GLIS1: variants seen among roughly 807,000 people sequenced by gnomAD.
GLIS1 encodes GLIS family zinc finger 1.
In GLIS1, 24 loss-of-function variants were observed where a neutral mutation model predicts 63.8. The observed-to-expected ratio is 0.38, with a 90% CI of 0.27 to 0.53. The LOEUF (loss-of-function observed/expected upper bound fraction) is 0.53, where lower values mean the gene tolerates loss of function less well. GLIS1 is among the 20% of genes least tolerant of loss of function. The probability of loss-of-function intolerance (pLI) is 0.85; values close to 1 mark genes in which losing one functional copy is unlikely to be tolerated. For synonymous variants in GLIS1, 450 were observed against 482.5 expected (o/e 0.93, Z 0.88); for missense variants, 1,036 against 1,074.1 (o/e 0.96, Z 0.50).
Position 53,526,984 on chromosome 1 carries a change from G to A in GLIS1, c.1483-2097C>T, listed in dbSNP as rs1464244313. 6.6e-6 allele frequency among the ~76,000 whole-genome samples: 1 copy of A among 152,224 alleles called. No individual in the cohort carries two copies. The highest frequency in any genetic ancestry group is 1.5e-5 in the Non-Finnish European group (1 of 68,050). ...GGTGAGTCTGCCGTGCGGAGCCCCT[G>A]CCCGTCTGCACTTGGAGGCCAGCTC... On this transcript the variant is annotated intron_variant, in intron 5 of 10. Coordinates refer to ENST00000628545, the MANE Select transcript of GLIS1 (RefSeq NM_001367484.1). The surrounding 1 kb of genome is among the most constrained non-coding windows in gnomAD (Gnocchi z 4.4).
chr1:53,722,239 T>C (rs1418712407), intron 2 of GLIS1, among the ~76,000 whole-genome samples: 2 of 152,234 alleles, frequency 1.3e-5, no homozygotes, highest in East Asian at 3.8e-4. Context: ...GTTACTACCC[T>C]GTAGCCTAGT....
At position 53,560,188 on chromosome 1, in the gene GLIS1, G is replaced by A. The variant is rs868030891; in HGVS notation, c.1321-30236C>T. On this transcript the variant is annotated intron_variant, in intron 4 of 10. Coordinates refer to ENST00000628545, the MANE Select transcript of GLIS1 (RefSeq NM_001367484.1). The surrounding 1 kb of genome is among the most constrained non-coding windows in gnomAD (Gnocchi z 4.4). ...GAAGATACAGAAATGAATCCAATACGAAGCTGGAGTGGCCTGTAGAGCTCA... is the reference window on the plus strand; with the variant it reads ...GAAGATACAGAAATGAATCCAATACAAAGCTGGAGTGGCCTGTAGAGCTCA... Among the ~76,000 whole-genome samples the A allele has an allele frequency of 2.0e-5, 3 of 152,218 alleles. No homozygotes were observed. The highest frequency in any genetic ancestry group is 4.8e-5 in the African/African-American group (2 of 41,456).
chr1:53,733,898 T>C (rs1345506686), intron 2 of GLIS1: 1 of 984,916 alleles, frequency 1.0e-6, no homozygotes, highest in Non-Finnish European at 1.2e-6. Context: ...TAAAAGTCAC[T>C]CATACCTTTC....
intron 4 of GLIS1, among the ~76,000 whole-genome samples, chr1:53,537,831 A>G (rs1644597762): frequency 6.6e-6 from 1 of 152,238 alleles, no homozygotes; most frequent in African/African-American, 2.4e-5. Flanking sequence ...TTGCTTCTAA[A>G]TAAACACATT....
In GLIS1 at chr1:53,511,169, G is replaced by A. The variant is rs1035821975; in HGVS notation, c.1884-1142C>T. Among the ~76,000 whole-genome samples the A allele has an allele frequency of 2.0e-5, 3 of 152,270 alleles. No homozygotes were observed. The highest frequency in any genetic ancestry group is 4.4e-5 in the Non-Finnish European group (3 of 68,046). Reference sequence around the variant, plus strand: ...AAAGCATTTATGTACATGGCAGAAAGAGGGAGATAGTGAGAGCTCGGAGTC... The same window carrying A: ...AAAGCATTTATGTACATGGCAGAAAAAGGGAGATAGTGAGAGCTCGGAGTC... On this transcript the variant is annotated intron_variant, in intron 8 of 10. Transcript: ENST00000628545. The surrounding 1 kb of genome is among the most constrained non-coding windows in gnomAD (Gnocchi z 4.2).
chr1:53,535,683 C>A (rs1216473238), intron 4 of GLIS1, among the ~76,000 whole-genome samples: 1 of 152,066 alleles, frequency 6.6e-6, no homozygotes, highest in East Asian at 1.9e-4. Context: ...CCACCCACTG[C>A]CCTAATCCAC....
intron 4 of GLIS1, among the ~76,000 whole-genome samples, chr1:53,579,382 G>A (rs965974146): frequency 9.9e-5 from 15 of 152,260 alleles, no homozygotes; most frequent in Non-Finnish European, 4.4e-5. Context: ...ATGAGGCCTT[G>A]CCAGGTGAAT....
rs752683116 is a variant in GLIS1 at position 53,594,469 on chromosome 1, A to G, written c.959T>C (p.Leu320Pro). 44 of 1,612,858 alleles carry G rather than the reference A, an allele frequency of 2.7e-5. No individual in the cohort carries two copies. The South Asian group carries it at 3.6e-4, about 13-fold the overall frequency. ...QLEACRKASF[L>P]KQEPADEFSE... ...AAACTCATCCGCGGGTTCCTGCTTC[A>G]GGAAGCTCGCCTTCCGGCAGGCTTC... is the stretch of plus-strand genomic sequence containing the variant. The change falls in exon 4 of 11, where the codon CTG (leucine) becomes CCG (proline). Residue 320 changes from leucine (L) to proline (P), a missense_variant. Leu to Pro is a moderately conservative substitution (Grantham distance 98). Around this residue, in one of 3 missense-constraint regions of GLIS1, gnomAD observed 592 missense variants for 593.9 expected, o/e 1.00. Coordinates refer to ENST00000628545, the MANE Select transcript of GLIS1 (RefSeq NM_001367484.1).
rs922507142 is a variant in GLIS1 at position 53,661,898 on chromosome 1, C to T, written c.260-61620G>A. On this transcript the variant is annotated intron_variant, in intron 2 of 10. Transcript: ENST00000628545. ...ACTGCCAACAGGGAAGATAAACTTC[C>T]TGTCCTGAGGTCTCCGCTGGGCTGT... Among the ~76,000 whole-genome samples the T allele has an allele frequency of 3.9e-5, 6 of 152,196 alleles. No individual in the cohort carries two copies. The East Asian group carries it at 1.2e-3, about 29-fold the overall frequency.
intron 4 of GLIS1, among the ~76,000 whole-genome samples, chr1:53,575,844 G>A (rs572017436): frequency 7.2e-5 from 11 of 152,196 alleles, no homozygotes; most frequent in Admixed American, 6.5e-5. Flanking sequence ...GCCGCCCTGC[G>A]GGTCCCCTCT....
intron 4 of GLIS1, among the ~76,000 whole-genome samples, chr1:53,557,985 C>G (rs923290449): frequency 2.6e-5 from 4 of 152,162 alleles, no homozygotes; most frequent in Non-Finnish European, 5.9e-5. Flanking sequence ...TAGGGGAGCC[C>G]CAAATCAAAG....
chr1:53,659,726 G>A (rs1010347551), intron 2 of GLIS1, among the ~76,000 whole-genome samples: 8 of 152,154 alleles, frequency 5.3e-5, no homozygotes, highest in African/African-American at 1.4e-4. Flanking sequence ...CCCCACCAGC[G>A]GTGCCACCCT....
chr1:53,526,819 A>G lies in GLIS1; in HGVS notation c.1483-1932T>C, dbSNP rs1644474666. On this transcript the variant is annotated intron_variant, in intron 5 of 10. Transcript: ENST00000628545. This position sits in a 1 kb window ranked among gnomAD's most constrained non-coding sequence, Gnocchi z 4.4. Reference sequence around the variant, plus strand: ...TTTTTCCAGGGCCTGACATGTGTAGAACATTCCTCAGGCCCCATTCCCCGT... The same window carrying G: ...TTTTTCCAGGGCCTGACATGTGTAGGACATTCCTCAGGCCCCATTCCCCGT... Among the ~76,000 whole-genome samples, 1 of 152,112 alleles carries G rather than the reference A, an allele frequency of 6.6e-6. No homozygotes were observed. Among genetic ancestry groups the G allele is most frequent in the Admixed American group, 6.5e-5 (1 of 15,282 alleles).
At chr1:53,716,528 AG>A (rs1209219195) in intron 2 of GLIS1, among the ~76,000 whole-genome samples, 6 of 152,246 alleles carry the variant, frequency 3.9e-5, no homozygotes, top group Admixed American at 3.9e-4. Context: ...ACAGGAACAC[AG>A]GGAATAAGGA....
intron 4 of GLIS1, among the ~76,000 whole-genome samples, chr1:53,562,348 C>T (rs765217675): frequency 5.3e-5 from 8 of 152,130 alleles, no homozygotes; most frequent in African/African-American, 1.7e-4. Context: ...AGATTTTCAC[C>T]GTGCAGAGAT....
chr1:53,583,623 C>T (rs989801465), intron 4 of GLIS1, among the ~76,000 whole-genome samples: 7 of 152,214 alleles, frequency 4.6e-5, no homozygotes, highest in African/African-American at 1.7e-4. Context: ...AGCAGGCTGC[C>T]TTCTAACAGG....
At chr1:53,581,478 G>A (rs998338613) in intron 4 of GLIS1, among the ~76,000 whole-genome samples, 3 of 152,098 alleles carry the variant, frequency 2.0e-5, no homozygotes, top group South Asian at 2.1e-4. Flanking sequence ...ATTGTGCATC[G>A]GGAACTGTTT....
chr1:53,529,074 C>G (rs1442745249), intron 5 of GLIS1, among the ~76,000 whole-genome samples: 1 of 152,200 alleles, frequency 6.6e-6, no homozygotes, highest in Non-Finnish European at 1.5e-5. Flanking sequence ...CTGCCCCTGC[C>G]CAGAGCACAG....
chr1:53,713,180 A>G (rs1646663502), intron 2 of GLIS1, among the ~76,000 whole-genome samples: 1 of 150,996 alleles, frequency 6.6e-6, no homozygotes, highest in Admixed American at 6.6e-5. Context: ...CCTGGGCAAC[A>G]TGGTGAGACC....
Sources: gnomAD v4.1 joint callset for allele counts (sites outside exome capture counted in the v4.1 genomes callset) on GRCh38, gnomAD v4.1.1 for gene constraint, gnomAD v4.1.1 regional missense constraint, Gnocchi (gnomAD v3.1) non-coding constraint, MANE v1.5 for transcripts, NCBI Gene and HGNC (gene_info 2026-07-23, HGNC 2026-07-21) for gene names.